CWC27: variants seen among roughly 807,000 people sequenced by gnomAD.
The protein encoded by CWC27 is spliceosome-associated protein CWC27 homolog.
In CWC27, 47 loss-of-function variants were observed where a neutral mutation model predicts 63.6. The ratio of observed to expected loss-of-function variants is 0.74; its 90% CI spans 0.58 to 0.94. CWC27 has a LOEUF of 0.94. Ranked by LOEUF, CWC27 falls within the 40% of genes least tolerant of loss-of-function variation. The pLI, the probability that CWC27 is intolerant of heterozygous loss-of-function variation, is 0.00. For missense variants in CWC27, 495 were observed against 554.3 expected, an observed-to-expected ratio of 0.89 and a Z score of 1.07; for synonymous variants, 175 against 179.8, an observed-to-expected ratio of 0.97 and a Z score of 0.22.
chr5:64,949,509 G>C (rs1748660837), intron 11 of CWC27, among the ~76,000 whole-genome samples: 1 of 151,900 alleles, frequency 6.6e-6, no homozygotes, highest in Non-Finnish European at 1.5e-5. Context: ...AATACATTCT[G>C]TGTGTGGCTT....
rs1271520194 is a variant in CWC27 at position 64,907,804 on chromosome 5, A to T, written c.1042+22258A>T. Among the ~76,000 whole-genome samples the T allele has an allele frequency of 2.0e-5, 3 of 152,142 alleles. No homozygotes were observed. In the East Asian group the frequency reaches 5.8e-4, roughly 29 times the overall value. On this transcript the variant is annotated intron_variant, in intron 11 of 13. Coordinates refer to ENST00000381070, the MANE Select transcript of CWC27 (RefSeq NM_005869.4). Reference sequence around the variant, plus strand: ...AGTATACTGGCTGTGGGTTTGTCATAGATAGCTCTTATTATTTTGAAATAT... The same window carrying T: ...AGTATACTGGCTGTGGGTTTGTCATTGATAGCTCTTATTATTTTGAAATAT...
chr5:64,819,192 C>G (rs1745126731), intron 10 of CWC27, among the ~76,000 whole-genome samples: 1 of 152,034 alleles, frequency 6.6e-6, no homozygotes, highest in South Asian at 2.1e-4. Context: ...TTTTGTTAGC[C>G]AAACTAGCTT....
intron 10 of CWC27, among the ~76,000 whole-genome samples, chr5:64,819,817 T>C (rs887926293): frequency 2.6e-5 from 4 of 152,230 alleles, no homozygotes; most frequent in Admixed American, 6.5e-5. Context: ...TTAGGACTCT[T>C]GCCTTTAGAA....
At chr5:64,974,884 A>T (rs1749199702) in intron 12 of CWC27, among the ~76,000 whole-genome samples, 1 of 152,208 alleles carries the variant, frequency 6.6e-6, no homozygotes, top group African/African-American at 2.4e-5. Flanking sequence ...AAGAATGAAT[A>T]AACAATGGAC....
intron 11 of CWC27, among the ~76,000 whole-genome samples, chr5:64,967,722 A>G (rs1749045320): frequency 6.6e-6 from 1 of 151,954 alleles, no homozygotes; most frequent in African/African-American, 2.4e-5. Flanking sequence ...GTCTGTATAG[A>G]AAAAAAATCT....
At chr5:64,958,405 T>C (rs10050854) in intron 11 of CWC27, among the ~76,000 whole-genome samples, 69,268 of 151,940 alleles carry the variant, frequency 0.46, 15,975 homozygotes, top group African/African-American at 0.5. Flanking sequence ...TCAGTTTTTT[T>C]ATCTGTAAAA....
At position 64,985,222 on chromosome 5, in the gene CWC27, G is replaced by GT. The variant is rs528358239; in HGVS notation, c.1256+7991dup. The stretch of plus-strand genomic sequence containing the variant: ...AAATGATTCTTCCAACTCTCTTCTT[G>GT]TTTTTTTCAAAATTGCTTTGGCTAT... On this transcript the variant is annotated intron_variant, in intron 13 of 13. Coordinates refer to ENST00000381070, the MANE Select transcript of CWC27 (RefSeq NM_005869.4). Among the ~76,000 whole-genome samples, 3 of 151,684 alleles carry GT rather than the reference G, an allele frequency of 2.0e-5. No homozygotes were observed. In the South Asian group the frequency reaches 6.3e-4, roughly 32 times the overall value.
intron 10 of CWC27, among the ~76,000 whole-genome samples, chr5:64,828,501 G>A (rs1165702836): frequency 2.0e-5 from 3 of 151,952 alleles, no homozygotes; most frequent in African/African-American, 7.2e-5. Context: ...AATGTCTAGT[G>A]AGTGCTCACT....
At chr5:64,919,137 G>A (rs1747945886) in intron 11 of CWC27, among the ~76,000 whole-genome samples, 1 of 152,134 alleles carries the variant, frequency 6.6e-6, no homozygotes, top group Non-Finnish European at 1.5e-5. Context: ...AGATATAAAT[G>A]CTTTCTTTGT....
intron 10 of CWC27, among the ~76,000 whole-genome samples, chr5:64,874,208 C>G (rs1343831246): frequency 3.9e-5 from 5 of 128,064 alleles, no homozygotes; most frequent in African/African-American, 1.5e-4. Context: ...ATTGCCCAGG[C>G]TGGAGTGCAG....
At chr5:64,881,707 G>A (rs2112338248) in intron 10 of CWC27, among the ~76,000 whole-genome samples, 1 of 152,214 alleles carries the variant, frequency 6.6e-6, no homozygotes, top group East Asian at 1.9e-4. Context: ...TGAATCCAAA[G>A]TTAAGTCTTA....
At chr5:64,925,012 G>T (rs1748079183) in intron 11 of CWC27, among the ~76,000 whole-genome samples, 1 of 151,404 alleles carries the variant, frequency 6.6e-6, no homozygotes, top group Non-Finnish European at 1.5e-5. Context: ...ATAAAGAAAT[G>T]TGTAGTTAGC....
intron 10 of CWC27, among the ~76,000 whole-genome samples, chr5:64,879,972 T>C (rs561207731): frequency 1.8e-4 from 28 of 152,100 alleles, no homozygotes; most frequent in African/African-American, 6.7e-4. Flanking sequence ...CTTCATGTTT[T>C]AGCATGTACC....
chr5:64,997,518 C>T (rs7705053), intron 13 of CWC27, among the ~76,000 whole-genome samples: 3 of 152,104 alleles, frequency 2.0e-5, no homozygotes, highest in Non-Finnish European at 4.4e-5. Context: ...CAGATGATTA[C>T]AATATATACC....
chr5:64,903,512 A>T (rs560681262), intron 11 of CWC27, among the ~76,000 whole-genome samples: 1 of 149,440 alleles, frequency 6.7e-6, no homozygotes, highest in South Asian at 2.2e-4. Context: ...AACATCACAC[A>T]CAGGGGCCTG....
intron 10 of CWC27, chr5:64,808,711 A>T (rs1369794000): frequency 6.6e-6 from 1 of 152,160 alleles, no homozygotes; most frequent in Non-Finnish European, 1.5e-5. Flanking sequence ...TCTTAAGCAT[A>T]TAGTAACTGG....
At chr5:64,930,895 G>A (rs1264664702) in intron 11 of CWC27, among the ~76,000 whole-genome samples, 2 of 152,048 alleles carry the variant, frequency 1.3e-5, no homozygotes, top group African/African-American at 4.8e-5. Context: ...GACAGCATGA[G>A]ACAAACCAAA....
intron 11 of CWC27, among the ~76,000 whole-genome samples, chr5:64,928,933 C>A (rs1362585683): frequency 2.0e-5 from 3 of 150,032 alleles, no homozygotes; most frequent in Non-Finnish European, 4.4e-5. Context: ...GAACAGTAAA[C>A]AAATCTTGAA....
chr5:64,957,249 C>T (rs1255844321), intron 11 of CWC27, among the ~76,000 whole-genome samples: 2 of 152,154 alleles, frequency 1.3e-5, no homozygotes, highest in Admixed American at 6.6e-5. Flanking sequence ...TCTCCTTTCT[C>T]ATTGGCTTCA....
Sources: allele counts gnomAD v4.1 joint callset (sites outside exome capture counted in the v4.1 genomes callset), GRCh38; gene constraint gnomAD v4.1.1; transcripts MANE v1.5; gene names NCBI Gene and HGNC (gene_info 2026-07-23, HGNC 2026-07-21).